SHISA9: variants seen among roughly 807,000 people sequenced by gnomAD.
The protein encoded by SHISA9 is shisa family member 9, also known as protein shisa-9.
SHISA9 carries 13 observed loss-of-function variants against 38.0 expected under a neutral mutation model. The ratio of observed to expected loss-of-function variants is 0.34; its 90% CI spans 0.22 to 0.54. The LOEUF (loss-of-function observed/expected upper bound fraction) is 0.54, where lower values mean the gene tolerates loss of function less well. Among genes scored for constraint, SHISA9 ranks in the 20% least tolerant of loss-of-function variants. SHISA9 has a pLI of 0.91. For missense variants in SHISA9, 538 were observed against 575.8 expected (o/e 0.93, Z 0.67); for synonymous variants, 275 against 242.0 (o/e 1.14, Z -1.27).
chr16:13,128,447 G>A (rs867041859), intron 2 of SHISA9, among the ~76,000 whole-genome samples: 5 of 152,000 alleles, frequency 3.3e-5, no homozygotes, highest in South Asian at 4.2e-4. Context: ...CCATTGGCTC[G>A]GTGGCCTTGA....
the SHISA9 span, among the ~76,000 whole-genome samples, chr16:13,408,536 ATAT>A: frequency 6.4e-4 from 97 of 152,364 alleles, 1 homozygote; most frequent in East Asian, 3.9e-4. Context: ...TAAAAATTTA[ATAT>A]TATTATCAAT....
At chr16:12,945,259 C>G (rs2071673662) in intron 2 of SHISA9, among the ~76,000 whole-genome samples, 2 of 152,104 alleles carry the variant, frequency 1.3e-5, no homozygotes, top group Non-Finnish European at 1.5e-5. Context: ...TGATACAGGA[C>G]ATCTGGTGGG....
intron 1 of SHISA9, among the ~76,000 whole-genome samples, chr16:12,915,094 C>T (rs2071237072): frequency 6.6e-6 from 1 of 152,120 alleles, no homozygotes; most frequent in Non-Finnish European, 1.5e-5. Context: ...GGGGTATATC[C>T]CCAAACACGG....
At chr16:13,025,990 A>C (rs1325255526) in intron 2 of SHISA9, among the ~76,000 whole-genome samples, 1 of 152,116 alleles carries the variant, frequency 6.6e-6, no homozygotes, top group Non-Finnish European at 1.5e-5. Flanking sequence ...ATTTTAGTAG[A>C]AACAGGGTTT....
the SHISA9 span, among the ~76,000 whole-genome samples, chr16:13,259,729 TG>T: frequency 1.3e-5 from 2 of 152,192 alleles, no homozygotes; most frequent in Non-Finnish European, 2.9e-5. Context: ...AGCCGTATGT[TG>T]GCCCCATTCA....
At chr16:13,550,843 G>A in the SHISA9 span, among the ~76,000 whole-genome samples, 1 of 151,776 alleles carries the variant, frequency 6.6e-6, no homozygotes, top group Non-Finnish European at 1.5e-5. Context: ...ATGGGCACAG[G>A]CCAGGTGCAG....
At chr16:13,240,417 G>T (rs1482619594), downstream of SHISA9, 3 of 152,256 alleles carry the variant, frequency 2.0e-5, no homozygotes, top group Middle Eastern at 3.4e-3. Flanking sequence ...TTATATGTGA[G>T]GCTGTTGGGA....
At chr16:13,090,631 GT>G (rs200959416) in intron 2 of SHISA9, among the ~76,000 whole-genome samples, 8,038 of 152,088 alleles carry the variant, frequency 0.053, 345 homozygotes, top group Admixed American at 0.14. Context: ...AACTCCTGCT[GT>G]TTTTTTGCTT....
At chr16:13,137,114 C>A (rs1170416843) in intron 2 of SHISA9, among the ~76,000 whole-genome samples, 1 of 152,194 alleles carries the variant, frequency 6.6e-6, no homozygotes, top group African/African-American at 2.4e-5. Flanking sequence ...AAGCCTGTCT[C>A]AGCTTGTGAG....
chr16:13,274,762 C>T, the SHISA9 span, among the ~76,000 whole-genome samples: 2 of 152,136 alleles, frequency 1.3e-5, no homozygotes, highest in African/African-American at 4.8e-5. Flanking sequence ...GCTGGAAAAG[C>T]CACTTAGCAA....
At chr16:13,244,609 AT>A (rs756870940), downstream of SHISA9, among the ~76,000 whole-genome samples, 1 of 152,192 alleles carries the variant, frequency 6.6e-6, no homozygotes, top group Non-Finnish European at 1.5e-5. Flanking sequence ...TCAATTGTTT[AT>A]TTTATCAGTA....
chr16:13,278,706 G>C, the SHISA9 span, among the ~76,000 whole-genome samples: 1 of 152,008 alleles, frequency 6.6e-6, no homozygotes, highest in African/African-American at 2.4e-5. Context: ...TGCACATAAA[G>C]GTGTTCATAG....
the SHISA9 span, among the ~76,000 whole-genome samples, chr16:13,504,939 C>T: frequency 6.6e-6 from 1 of 152,204 alleles, no homozygotes. Flanking sequence ...TCCCACTGCC[C>T]TATCTTTGTA....
At chr16:13,463,017 G>A in the SHISA9 span, among the ~76,000 whole-genome samples, 1 of 152,090 alleles carries the variant, frequency 6.6e-6, no homozygotes, top group African/African-American at 2.4e-5. Flanking sequence ...TTAGCTGGGT[G>A]TGGTGGCACA....
chr16:13,505,433 G>T, the SHISA9 span, among the ~76,000 whole-genome samples: 1 of 152,178 alleles, frequency 6.6e-6, no homozygotes, highest in African/African-American at 2.4e-5. Context: ...GCTGATGTGG[G>T]CTAATCATAT....
chr16:13,394,499 T>C, the SHISA9 span, among the ~76,000 whole-genome samples: 1 of 152,184 alleles, frequency 6.6e-6, no homozygotes, highest in Non-Finnish European at 1.5e-5. Flanking sequence ...GTTCAGATGT[T>C]CTATGTTCTC....
chr16:13,381,308 T>C, the SHISA9 span, among the ~76,000 whole-genome samples: 2 of 152,102 alleles, frequency 1.3e-5, no homozygotes, highest in Admixed American at 6.5e-5. Context: ...TAATAACCAG[T>C]AGAATAACAA....
intron 2 of SHISA9, among the ~76,000 whole-genome samples, chr16:13,191,298 G>T (rs1249233841): frequency 6.6e-6 from 1 of 152,162 alleles, no homozygotes; most frequent in East Asian, 1.9e-4. Context: ...CCCATTCCCT[G>T]TCATTAGTCT....
chr16:13,198,163 C>A (rs951409453), intron 2 of SHISA9, among the ~76,000 whole-genome samples: 1 of 151,446 alleles, frequency 6.6e-6, no homozygotes, highest in African/African-American at 2.4e-5. Context: ...CCAGTCTGGG[C>A]GACAGAGTGA....
Sources: allele counts gnomAD v4.1 joint callset (sites outside exome capture counted in the v4.1 genomes callset), GRCh38; gene constraint gnomAD v4.1.1; transcripts MANE v1.5; gene names NCBI Gene and HGNC (gene_info 2026-07-23, HGNC 2026-07-21).